The following SLC30A8 variants were observed in gnomAD, a reference collection of about 807,000 sequenced individuals.
SLC30A8 encodes the protein solute carrier family 30 member 8.
In SLC30A8, 27 loss-of-function variants were observed where a neutral mutation model predicts 36.9. The observed-to-expected ratio is 0.73, with a 90% CI of 0.54 to 1.01. The LOEUF (loss-of-function observed/expected upper bound fraction) is 1.01. SLC30A8 is among the 50% of genes least tolerant of loss of function. SLC30A8 has a pLI of 0.00. For synonymous variants in SLC30A8, 164 were observed against 172.4 expected (o/e 0.95, Z 0.38); for missense variants, 439 against 452.0 (o/e 0.97, Z 0.26).
chr8:117,097,420 T>A (rs200087769), intron 2 of SLC30A8, among the ~76,000 whole-genome samples: 7,497 of 81,044 alleles, frequency 0.093, 740 homozygotes, highest in East Asian at 0.17. Context: ...AAAAAAAAAA[T>A]ATATATAAAT....
intron 6 of SLC30A8, among the ~76,000 whole-genome samples, chr8:117,168,022 T>A (rs1823151039): frequency 6.6e-6 from 1 of 152,052 alleles, no homozygotes; most frequent in South Asian, 2.1e-4. Flanking sequence ...AGAACTCCCA[T>A]TTGTAAAACC....
At chr8:117,012,623 T>C (rs1334113944) in intron 1 of SLC30A8, among the ~76,000 whole-genome samples, 2 of 151,424 alleles carry the variant, frequency 1.3e-5, no homozygotes, top group Non-Finnish European at 2.9e-5. Context: ...CCTCTGGAGT[T>C]CCTGGAGCCA....
intron 2 of SLC30A8, among the ~76,000 whole-genome samples, chr8:117,073,089 C>T (rs1463022884): frequency 2.6e-5 from 4 of 152,200 alleles, no homozygotes; most frequent in Non-Finnish European, 5.9e-5. Flanking sequence ...GATCATTTTG[C>T]TGCATTTCCA....
intron 1 of SLC30A8, among the ~76,000 whole-genome samples, chr8:117,031,758 C>T (rs1037793695): frequency 3.9e-5 from 6 of 151,998 alleles, no homozygotes; most frequent in African/African-American, 1.4e-4. Flanking sequence ...GCCACCGCAC[C>T]CAGCCGAAAT....
chr8:116,994,102 GAATTTTT>G (rs1157622941), intron 1 of SLC30A8, among the ~76,000 whole-genome samples: 1 of 151,798 alleles, frequency 6.6e-6, no homozygotes, highest in Non-Finnish European at 1.5e-5. Flanking sequence ...CTTCACTGGT[GAATTTTT>G]CCAAAATTTT....
At chr8:117,153,746 G>GTGTGTGTA in intron 3 of SLC30A8, among the ~76,000 whole-genome samples, 1 of 151,996 alleles carries the variant, frequency 6.6e-6, no homozygotes, top group Non-Finnish European at 1.5e-5. Flanking sequence ...GTGTGTGTGT[G>GTGTGTGTA]TGTGTGTGTA....
intron 1 of SLC30A8, among the ~76,000 whole-genome samples, chr8:116,992,158 G>T (rs921546653): frequency 1.6e-4 from 24 of 152,232 alleles, no homozygotes; most frequent in Middle Eastern, 3.4e-3. Flanking sequence ...GTAGGAGGGG[G>T]TTCAAAAATA....
chr8:117,073,070 T>C lies in SLC30A8; in HGVS notation c.-226+33812T>C, dbSNP rs1395144882. ...GTTGCTGAGGTTGCTTTATATCTTT[T>C]GATTTTTGGATCATTTTGCTGCATT... is the stretch of plus-strand genomic sequence containing the variant. On this transcript the variant is annotated intron_variant, in intron 2 of 10. Coordinates refer to the SLC30A8 transcript ENST00000427715. Among the ~76,000 whole-genome samples, 9 of 152,298 alleles carry C rather than the reference T, an allele frequency of 5.9e-5. No homozygotes were observed. The East Asian group carries it at 1.5e-3, about 26-fold the overall frequency.
intron 1 of SLC30A8, among the ~76,000 whole-genome samples, chr8:117,035,697 A>G (rs1248062785): frequency 1.3e-5 from 2 of 152,340 alleles, no homozygotes; most frequent in South Asian, 2.1e-4. Context: ...GAGGGTTCCA[A>G]CCCTGCAGCA....
chr8:117,068,047 A>G (rs951137535), intron 2 of SLC30A8, among the ~76,000 whole-genome samples: 10 of 152,240 alleles, frequency 6.6e-5, no homozygotes, highest in African/African-American at 9.6e-5. Context: ...TATAAGAAGT[A>G]AAAAATGTTG....
At chr8:117,107,391 A>G (rs757080746) in intron 2 of SLC30A8, among the ~76,000 whole-genome samples, 14 of 152,192 alleles carry the variant, frequency 9.2e-5, no homozygotes, top group African/African-American at 3.1e-4. Context: ...TGCAATGGGC[A>G]TTGGATTTGA....
chr8:117,118,209 CA>C (rs975400712), intron 2 of SLC30A8, among the ~76,000 whole-genome samples: 1 of 141,916 alleles, frequency 7.0e-6, no homozygotes, highest in South Asian at 2.3e-4. Context: ...AAACAAAAAA[CA>C]AAAAAACCTT....
intron 2 of SLC30A8, among the ~76,000 whole-genome samples, chr8:117,078,275 T>C (rs1307733397): frequency 1.3e-5 from 2 of 152,222 alleles, no homozygotes; most frequent in Non-Finnish European, 2.9e-5. Context: ...TTAGATTCCA[T>C]GAAATGAAGT....
At chr8:117,033,332 C>T (rs1033340419) in intron 1 of SLC30A8, among the ~76,000 whole-genome samples, 1 of 152,224 alleles carries the variant, frequency 6.6e-6, no homozygotes, top group African/African-American at 2.4e-5. Flanking sequence ...GAATTGAGTG[C>T]TGGCATATGC....
intron 1 of SLC30A8, among the ~76,000 whole-genome samples, chr8:117,002,379 C>T (rs566822728): frequency 5.3e-5 from 8 of 152,196 alleles, no homozygotes; most frequent in South Asian, 2.1e-4. Context: ...AGTTGACATC[C>T]GAAAGACTTG....
At chr8:117,110,037 A>G (rs929192141) in intron 2 of SLC30A8, among the ~76,000 whole-genome samples, 13 of 152,196 alleles carry the variant, frequency 8.5e-5, no homozygotes, top group African/African-American at 2.9e-4. Flanking sequence ...TAACTTAATG[A>G]AGAATTTCTG....
At chr8:117,017,159 T>C (rs976675298) in intron 1 of SLC30A8, among the ~76,000 whole-genome samples, 2 of 152,166 alleles carry the variant, frequency 1.3e-5, no homozygotes, top group Non-Finnish European at 2.9e-5. Context: ...AGTTAATATA[T>C]GTGAGGCACT....
rs541942557 is a variant in SLC30A8, at chr8:117,041,417, G to T, written c.-226+2159G>T. Among the ~76,000 whole-genome samples, 25 of 152,362 alleles carry T rather than the reference G, an allele frequency of 1.6e-4. No homozygotes were observed. The South Asian group carries it at 2.3e-3, about 14-fold the overall frequency. On this transcript the variant is annotated intron_variant, in intron 2 of 10. Coordinates refer to the SLC30A8 transcript ENST00000427715. ...AATTTCTGATGGCGGGCTGGGCACG[G>T]TGGCTCACGCCTGTAATCCCAGCAC...
intron 4 of SLC30A8, among the ~76,000 whole-genome samples, chr8:117,158,731 C>T (rs1822629613): frequency 6.6e-6 from 1 of 152,188 alleles, no homozygotes; most frequent in African/African-American, 2.4e-5. Flanking sequence ...ATTTCTCCTT[C>T]CCATTTGAGG....
Sources: allele counts gnomAD v4.1 joint callset (sites outside exome capture counted in the v4.1 genomes callset), GRCh38; gene constraint gnomAD v4.1.1; transcripts MANE v1.5; gene names NCBI Gene and HGNC (gene_info 2026-07-23, HGNC 2026-07-21).